The following ADGRL3 variants were observed in gnomAD, a reference collection of about 807,000 sequenced individuals.
ADGRL3 encodes adhesion G protein-coupled receptor L3, also known as calcium-independent alpha-latrotoxin receptor 3.
Under a neutral mutation model 153.5 loss-of-function variants are expected in ADGRL3, and 62 were observed. That is an observed-to-expected ratio of 0.40 (90% CI 0.33 to 0.50). The LOEUF is 0.50. ADGRL3 is among the 20% of genes least tolerant of loss of function. The probability of loss-of-function intolerance (pLI) is 0.47; values close to 1 mark genes in which losing one functional copy is unlikely to be tolerated. For synonymous variants in ADGRL3, 710 were observed against 672.5 expected, an observed-to-expected ratio of 1.06 and a Z score of -0.86; for missense variants, 1,641 against 1,859.4, an observed-to-expected ratio of 0.88 and a Z score of 2.16.
At chr4:61,963,968 T>C (rs775422526) in intron 17 of ADGRL3, among the ~76,000 whole-genome samples, 2 of 152,212 alleles carry the variant, frequency 1.3e-5, no homozygotes, top group Non-Finnish European at 2.9e-5. Flanking sequence ...TCAAGACCTC[T>C]CATAATAAGG....
intron 21 of ADGRL3, among the ~76,000 whole-genome samples, chr4:62,005,794 G>A (rs11131353): frequency 0.97 from 147,028 of 151,326 alleles, 71,567 homozygotes; most frequent in East Asian, 1. Flanking sequence ...TGTGTTCCAT[G>A]TTATTCACAT....
chr4:61,603,929 A>G (rs1463091920), intron 5 of ADGRL3, among the ~76,000 whole-genome samples: 1 of 152,204 alleles, frequency 6.6e-6, no homozygotes, highest in Non-Finnish European at 1.5e-5. Flanking sequence ...AAAGAAAAAA[A>G]TCAATACCTC....
chr4:61,408,157 A>T (rs2097028048), intron 2 of ADGRL3, among the ~76,000 whole-genome samples: 1 of 152,120 alleles, frequency 6.6e-6, no homozygotes, highest in African/African-American at 2.4e-5. Context: ...GCTGTCAGGG[A>T]AATCTCACCA....
chr4:61,516,159 T>C (rs1298400670), intron 3 of ADGRL3, among the ~76,000 whole-genome samples: 1 of 152,124 alleles, frequency 6.6e-6, no homozygotes, highest in Admixed American at 6.5e-5. Context: ...TATTATTTTA[T>C]GTGTTTTGGG....
chr4:61,414,618 G>T (rs2097126070), intron 2 of ADGRL3, among the ~76,000 whole-genome samples: 1 of 151,598 alleles, frequency 6.6e-6, no homozygotes, highest in African/African-American at 2.4e-5. Context: ...TGGTTTTGCG[G>T]TTATATTAAG....
chr4:61,409,937 A>G (rs537354884), intron 2 of ADGRL3, among the ~76,000 whole-genome samples: 1 of 152,160 alleles, frequency 6.6e-6, no homozygotes, highest in African/African-American at 2.4e-5. Flanking sequence ...AGAACATAAT[A>G]TGGTACATTT....
At chr4:61,952,066 T>C (rs966743633) in intron 17 of ADGRL3, among the ~76,000 whole-genome samples, 1 of 152,188 alleles carries the variant, frequency 6.6e-6, no homozygotes, top group Admixed American at 6.5e-5. Flanking sequence ...GCTATCTGCA[T>C]GTACATTCTC....
chr4:61,403,264 A>T (rs2096953203), intron 2 of ADGRL3, among the ~76,000 whole-genome samples: 1 of 152,112 alleles, frequency 6.6e-6, no homozygotes, highest in African/African-American at 2.4e-5. Flanking sequence ...AGTGGCTGAA[A>T]GCTCCTAAAT....
At chr4:61,386,069 C>T (rs781660600) in intron 2 of ADGRL3, among the ~76,000 whole-genome samples, 7 of 152,104 alleles carry the variant, frequency 4.6e-5, no homozygotes, top group Non-Finnish European at 8.8e-5. Flanking sequence ...TTTTACTGTA[C>T]TCGTGTTGCA....
At chr4:61,727,406 G>C (rs1048463396) in intron 6 of ADGRL3, among the ~76,000 whole-genome samples, 2 of 152,060 alleles carry the variant, frequency 1.3e-5, no homozygotes, top group Non-Finnish European at 2.9e-5. Context: ...AAAATGTAGA[G>C]AGAAAAGGAG....
intron 1 of ADGRL3, among the ~76,000 whole-genome samples, chr4:61,308,142 C>G (rs970983094): frequency 6.6e-6 from 1 of 152,138 alleles, no homozygotes; most frequent in African/African-American, 2.4e-5. Context: ...AGGGAAAGGA[C>G]CCAGAGAAGG....
intron 6 of ADGRL3, among the ~76,000 whole-genome samples, chr4:61,678,403 T>G (rs2150934196): frequency 6.6e-6 from 1 of 152,152 alleles, no homozygotes; most frequent in African/African-American, 2.4e-5. Flanking sequence ...TCATATTTTT[T>G]TAATTAAAGA....
In ADGRL3 at chr4:61,326,599, ATGTGTG is replaced by A. The variant is rs34387631; in HGVS notation, c.-239-56495_-239-56490del. On this transcript the variant is annotated intron_variant, in intron 1 of 26. Coordinates refer to ENST00000683033, the MANE Select transcript of ADGRL3 (RefSeq NM_001387552.1). ...TCCAGCTAGCCAGTTATGCCAGATA[ATGTGTG>A]TGTGTGTGTGTGTGTGTGTGTGTGT... 5.3e-4 allele frequency among the ~76,000 whole-genome samples: 74 copies of A among 140,718 alleles called. No homozygotes were observed. In the South Asian group the frequency reaches 0.012, roughly 22 times the overall value. The allele number at this position is 140,718 out of a possible 152,430, so 92.3% of individuals were successfully genotyped here. A position where few individuals can be genotyped will look rare whatever the true frequency, so the allele number is the denominator to read the frequency against.
At chr4:61,659,379 C>G (rs554041764) in intron 5 of ADGRL3, among the ~76,000 whole-genome samples, 3 of 152,170 alleles carry the variant, frequency 2.0e-5, no homozygotes, top group Admixed American at 2.0e-4. Flanking sequence ...ACACTGATAA[C>G]CTGTCCAGAT....
At chr4:61,456,375 CTATATATATATATAGA>C (rs753285576) in intron 2 of ADGRL3, among the ~76,000 whole-genome samples, 2,790 of 109,348 alleles carry the variant, frequency 0.026, 140 homozygotes, top group African/African-American at 0.034. Flanking sequence ...ATAGATATAT[CTATATATATATATAGA>C]TATATCTATA....
chr4:61,468,595 T>C (rs1403118150), intron 2 of ADGRL3, among the ~76,000 whole-genome samples: 1 of 152,166 alleles, frequency 6.6e-6, no homozygotes, highest in Non-Finnish European at 1.5e-5. Flanking sequence ...TAGCATCTTA[T>C]GAATGTGTAT....
intron 1 of ADGRL3, among the ~76,000 whole-genome samples, chr4:61,266,664 A>G (rs896539244): frequency 2.6e-5 from 4 of 151,838 alleles, no homozygotes; most frequent in Admixed American, 2.6e-4. Context: ...TCTGAGTGTC[A>G]TAATTGTCAT....
chr4:61,824,752 CAT>C (rs1479536549), intron 9 of ADGRL3, among the ~76,000 whole-genome samples: 3 of 152,194 alleles, frequency 2.0e-5, no homozygotes, highest in Admixed American at 6.5e-5. Context: ...CACACACACA[CAT>C]GCCACTCTGG....
intron 17 of ADGRL3, among the ~76,000 whole-genome samples, chr4:61,963,095 G>A (rs1478792577): frequency 6.6e-6 from 1 of 152,006 alleles, no homozygotes; most frequent in Admixed American, 6.6e-5. Context: ...AGCAAAATGA[G>A]AGACACAATT....
Sources: gnomAD v4.1 joint callset for allele counts (sites outside exome capture counted in the v4.1 genomes callset) on GRCh38, gnomAD v4.1.1 for gene constraint, MANE v1.5 for transcripts, NCBI Gene and HGNC (gene_info 2026-07-23, HGNC 2026-07-21) for gene names.